Variants in SUGCT observed in about 807,000 individuals in gnomAD.
SUGCT encodes the protein succinyl-CoA:glutarate CoA-transferase.
SUGCT carries 41 observed loss-of-function variants against 55.0 expected under a neutral mutation model. The observed-to-expected ratio is 0.74, with a 90% CI of 0.58 to 0.97. The LOEUF is 0.97. SUGCT is among the 50% of genes least tolerant of loss of function. The pLI is 0.00. For missense variants in SUGCT, 568 were observed against 547.8 expected (o/e 1.04, Z -0.37); for synonymous variants, 187 against 200.4 (o/e 0.93, Z 0.56).
intron 8 of SUGCT, among the ~76,000 whole-genome samples, chr7:40,276,680 G>A (rs1792506371): frequency 6.6e-6 from 1 of 152,196 alleles, no homozygotes; most frequent in South Asian, 2.1e-4. Context: ...TATTTCCCTG[G>A]GAGTAAGGGT....
intron 10 of SUGCT, among the ~76,000 whole-genome samples, chr7:40,453,508 C>A (rs1789306182): frequency 6.6e-6 from 1 of 152,214 alleles, no homozygotes; most frequent in South Asian, 2.1e-4. Context: ...ATGATAGGAA[C>A]TGAATTAGTA....
intron 1 of SUGCT, among the ~76,000 whole-genome samples, chr7:40,137,246 G>T (rs1787747662): frequency 6.6e-6 from 1 of 152,102 alleles, no homozygotes; most frequent in African/African-American, 2.4e-5. Flanking sequence ...TCCCACGTCA[G>T]TCTCCCAAGT....
the SUGCT span, among the ~76,000 whole-genome samples, chr7:40,937,273 A>C: frequency 6.6e-6 from 1 of 151,840 alleles, no homozygotes; most frequent in Admixed American, 6.6e-5. Context: ...GGTTCAAGCG[A>C]TTCTCCTCCC....
the SUGCT span, among the ~76,000 whole-genome samples, chr7:41,009,815 T>G: frequency 0.36 from 54,218 of 152,100 alleles, 10,482 homozygotes; most frequent in South Asian, 0.44. Context: ...ACCCCAGATG[T>G]GTTAAGTTTG....
At chr7:40,264,443 A>G (rs1791425613) in intron 7 of SUGCT, among the ~76,000 whole-genome samples, 1 of 152,196 alleles carries the variant, frequency 6.6e-6, no homozygotes, top group African/African-American at 2.4e-5. Context: ...TGGTTCAAGT[A>G]GAGTGTGTGT....
At chr7:40,354,295 A>G (rs1177403622) in intron 9 of SUGCT, among the ~76,000 whole-genome samples, 1 of 152,202 alleles carries the variant, frequency 6.6e-6, no homozygotes, top group Non-Finnish European at 1.5e-5. Context: ...ATTACATACA[A>G]CAGTGTGGGC....
intron 12 of SUGCT, among the ~76,000 whole-genome samples, chr7:40,713,579 G>A (rs1343011259): frequency 1.3e-5 from 2 of 152,194 alleles, no homozygotes; most frequent in Non-Finnish European, 2.9e-5. Context: ...TGCCTTGCAA[G>A]TCCTACCAAG....
Position 40,599,457 on chromosome 7 carries a change from C to T in SUGCT, c.1089+103071C>T, listed in dbSNP as rs528204646. 2.6e-5 allele frequency among the ~76,000 whole-genome samples: 4 copies of T among 152,258 alleles called. No individual in the cohort carries two copies. In the South Asian group the frequency reaches 8.3e-4, roughly 32 times the overall value. On this transcript the variant is annotated intron_variant, in intron 12 of 13. Coordinates refer to ENST00000335693, the MANE Select transcript of SUGCT (RefSeq NM_001193313.2). ...TTAACTTCAGCACCAAAGCTGGTCC[C>T]TTGGAATGCCTTTCAGTCCTCCTAA... is the stretch of plus-strand genomic sequence containing the variant.
chr7:40,687,771 C>A (rs1784530478), intron 12 of SUGCT, among the ~76,000 whole-genome samples: 1 of 152,202 alleles, frequency 6.6e-6, no homozygotes, highest in Non-Finnish European at 1.5e-5. Flanking sequence ...TTTGTGCCAC[C>A]TACACCCATA....
chr7:40,871,723 A>G, the SUGCT span, among the ~76,000 whole-genome samples: 1 of 141,530 alleles, frequency 7.1e-6, no homozygotes, highest in Non-Finnish European at 1.5e-5. Flanking sequence ...TCTTTCAGTG[A>G]TCTCCACTCT....
chr7:40,187,192 A>C, intron 3 of SUGCT, among the ~76,000 whole-genome samples: 1 of 152,136 alleles, frequency 6.6e-6, no homozygotes, highest in African/African-American at 2.4e-5. Context: ...AGGACAAAAA[A>C]CCAAACACTG....
chr7:40,406,966 T>G (rs1400707892), intron 9 of SUGCT, among the ~76,000 whole-genome samples: 11 of 152,142 alleles, frequency 7.2e-5, no homozygotes, highest in Admixed American at 2.0e-4. Context: ...CTGGGAAATA[T>G]GATGATAGTC....
intron 12 of SUGCT, among the ~76,000 whole-genome samples, chr7:40,510,646 C>G (rs1214447567): frequency 6.6e-6 from 1 of 152,004 alleles, no homozygotes; most frequent in Non-Finnish European, 1.5e-5. Context: ...TACAAAGAGG[C>G]AACGTTAAGC....
intron 7 of SUGCT, among the ~76,000 whole-genome samples, chr7:40,272,758 C>T (rs377496575): frequency 1.3e-5 from 2 of 151,264 alleles, no homozygotes; most frequent in Admixed American, 1.3e-4. Context: ...CTCCCGGGTT[C>T]AAGCAGTTCT....
the SUGCT span, among the ~76,000 whole-genome samples, chr7:40,941,188 C>A: frequency 6.6e-6 from 1 of 151,816 alleles, no homozygotes; most frequent in Non-Finnish European, 1.5e-5. Flanking sequence ...ACATTTGTGA[C>A]CTTTCAGACT....
chr7:40,599,905 C>G (rs182916864), intron 12 of SUGCT, among the ~76,000 whole-genome samples: 138 of 152,286 alleles, frequency 9.1e-4, no homozygotes, highest in Middle Eastern at 3.4e-3. Context: ...GCTCTGGAAG[C>G]CCTTCCAAAG....
intron 12 of SUGCT, among the ~76,000 whole-genome samples, chr7:40,667,278 C>G (rs1181117277): frequency 6.6e-6 from 1 of 152,100 alleles, no homozygotes; most frequent in East Asian, 1.9e-4. Flanking sequence ...TTAAGCCAAT[C>G]TTGCATCCTA....
At chr7:40,947,309 A>G in the SUGCT span, among the ~76,000 whole-genome samples, 3 of 151,976 alleles carry the variant, frequency 2.0e-5, no homozygotes, top group Non-Finnish European at 4.4e-5. Context: ...AATAATTTCT[A>G]TTTCTATTGA....
At chr7:40,959,715 A>G in the SUGCT span, among the ~76,000 whole-genome samples, 1 of 38,612 alleles carries the variant, frequency 2.6e-5, no homozygotes, top group Non-Finnish European at 4.4e-5. Flanking sequence ...CTGGGGTAGG[A>G]AAAAAAAAAA....
Sources: allele counts gnomAD v4.1 joint callset (sites outside exome capture counted in the v4.1 genomes callset), GRCh38; gene constraint gnomAD v4.1.1; transcripts MANE v1.5; gene names NCBI Gene and HGNC (gene_info 2026-07-23, HGNC 2026-07-21).